DMXL1: variants seen among roughly 807,000 people sequenced by gnomAD.
The protein encoded by DMXL1 is dmX-like protein 1.
A neutral mutation model predicts 319.2 loss-of-function variants in DMXL1; 99 were observed. The observed-to-expected ratio is 0.31, with a 90% CI of 0.26 to 0.37. The LOEUF (loss-of-function observed/expected upper bound fraction) is 0.37, where lower values mean the gene tolerates loss of function less well. Among genes scored for constraint, DMXL1 ranks in the 10% least tolerant of loss-of-function variants. The probability of loss-of-function intolerance (pLI) is 1.00; values close to 1 mark genes in which losing one functional copy is unlikely to be tolerated. For missense variants in DMXL1, 3,745 were observed against 3,595.6 expected, an observed-to-expected ratio of 1.04 and a Z score of -1.06; for synonymous variants, 1,385 against 1,235.2, an observed-to-expected ratio of 1.12 and a Z score of -2.54.
chr5:119,151,268 A>G (rs143317380), intron 18 of DMXL1, among the ~76,000 whole-genome samples: 2 of 152,284 alleles, frequency 1.3e-5, no homozygotes, highest in Admixed American at 6.5e-5. Flanking sequence ...ACAGTTTGCC[A>G]TAAAATCTCA....
At chr5:119,189,632 A>G (rs1221348475) in intron 28 of DMXL1, 76 bp from the exon 29 acceptor site, 24 of 1,353,724 alleles carry the variant, frequency 1.8e-5, no homozygotes, top group South Asian at 8.9e-5. Flanking sequence ...AGTTAACCTT[A>G]GCTCTTATGT....
chr5:119,144,691 A>G, intron 15 of DMXL1, 53 bp downstream of exon 15: 1 of 1,128,444 alleles, frequency 8.9e-7, no homozygotes, highest in Middle Eastern at 2.2e-4. Flanking sequence ...TATGTTAGGC[A>G]GTTAATAAAG....
intron 26 of DMXL1, among the ~76,000 whole-genome samples, chr5:119,175,594 A>G (rs1037366074): frequency 6.6e-6 from 1 of 152,098 alleles, no homozygotes; most frequent in Non-Finnish European, 1.5e-5. Context: ...GGCACTGAGA[A>G]TTTTAACGCA....
At chr5:119,114,658 A>C (rs1033207062) in intron 6 of DMXL1, 117 bp downstream of exon 6, 2 of 771,204 alleles carry the variant, frequency 2.6e-6, no homozygotes, top group Admixed American at 3.3e-5. Flanking sequence ...AGTTTCCATT[A>C]AAAATTGTTT....
chr5:119,077,264 G>A (rs1751091353), intron 1 of DMXL1, among the ~76,000 whole-genome samples: 1 of 151,346 alleles, frequency 6.6e-6, no homozygotes, highest in South Asian at 2.1e-4. Flanking sequence ...GCCCCACTGT[G>A]CCCAGTGATT....
rs147706534 is a variant in DMXL1, at chr5:119,212,499, T to C, written c.7927-4402T>C. 5.5e-3 allele frequency among the ~76,000 whole-genome samples: 843 copies of C among 152,350 alleles called. 8 individuals carry two copies. Among genetic ancestry groups the C allele is most frequent in the African/African-American group, 0.019 (800 of 41,590 alleles). Reference sequence around the variant, plus strand: ...TGTCTGTCTTGGTTATTGTGAATAATGGTGCTATGAACATTGATATACAAA... The same window carrying C: ...TGTCTGTCTTGGTTATTGTGAATAACGGTGCTATGAACATTGATATACAAA... On this transcript the variant is annotated intron_variant, in intron 34 of 43. Coordinates refer to ENST00000539542, the MANE Select transcript of DMXL1 (RefSeq NM_001290321.3).
At chr5:119,102,241 T>A (rs1302057914) in intron 3 of DMXL1, 1 of 311,522 alleles carries the variant, frequency 3.2e-6, no homozygotes, top group Non-Finnish European at 5.9e-6. Context: ...CTGACATTTT[T>A]AATTTTATAA....
chr5:119,245,521 A>G (rs1397200907), intron 43 of DMXL1, among the ~76,000 whole-genome samples: 1 of 150,702 alleles, frequency 6.6e-6, no homozygotes, highest in African/African-American at 2.4e-5. Context: ...AGTTTAGAAT[A>G]TGCCATAGTT....
At position 119,198,551 on chromosome 5, in the gene DMXL1, C is replaced by G. The variant is rs925197951; in HGVS notation, c.7745+595C>G. Among the ~76,000 whole-genome samples the G allele has an allele frequency of 2.6e-5, 4 of 152,146 alleles. No individual in the cohort carries two copies. In the East Asian group the frequency reaches 7.7e-4, roughly 29 times the overall value. On this transcript the variant is annotated intron_variant, in intron 32 of 43. Transcript: ENST00000539542. ...AGTGTTAAGAGGAAAGTTTATAGCA[C>G]TAAACAACAAGCAGTCAACAGATTC...
intron 6 of DMXL1, 63 bp downstream of exon 6, chr5:119,114,604 C>T: frequency 1.0e-6 from 1 of 1,003,590 alleles, no homozygotes; most frequent in Non-Finnish European, 1.5e-6. Context: ...ACTTTAAAAA[C>T]ATCAACTGGC....
At chr5:119,131,042 C>T (rs1299836725) in intron 10 of DMXL1, among the ~76,000 whole-genome samples, 2 of 150,290 alleles carry the variant, frequency 1.3e-5, no homozygotes, top group Admixed American at 6.6e-5. Flanking sequence ...GGACAATGGA[C>T]ATCTTGTTTT....
Position 119,098,952 on chromosome 5 carries a change from C to G in DMXL1, c.213+848C>G, listed in dbSNP as rs116732671. Among the ~76,000 whole-genome samples the G allele has an allele frequency of 1.1e-3, 168 of 152,240 alleles. 1 individual carries two copies. Among genetic ancestry groups the G allele is most frequent in the African/African-American group, 3.9e-3 (162 of 41,546 alleles). On this transcript the variant is annotated intron_variant, in intron 2 of 43. Coordinates refer to ENST00000539542, the MANE Select transcript of DMXL1 (RefSeq NM_001290321.3). ...CTAATCTTCATTTGAGGTAAACTTT[C>G]TAGGATTAAAAGTTGCCATCTGGGA...
chr5:119,220,668 A>C, intron 36 of DMXL1, 75 bp downstream of exon 36: 1 of 1,528,394 alleles, frequency 6.5e-7, no homozygotes, highest in Non-Finnish European at 8.9e-7. Context: ...AAACTTTCAA[A>C]AGATTCTTTA....
At chr5:119,106,823 T>TAGTG (rs1375058791) in intron 4 of DMXL1, among the ~76,000 whole-genome samples, 1 of 152,162 alleles carries the variant, frequency 6.6e-6, no homozygotes, top group Non-Finnish European at 1.5e-5. Context: ...AATTAATGAA[T>TAGTG]AGTGAAAGGT....
In DMXL1 at chr5:119,175,480, T is replaced by C. The variant is rs1400214174; in HGVS notation, c.6758+143T>C. ...TGGTTGAGGTTTTGAGTACTTTTTG[T>C]TCATATTTGAAATTTTTATGGCAGA... is the stretch of plus-strand genomic sequence containing the variant. On this transcript the variant is annotated intron_variant, in intron 26 of 43. Transcript: ENST00000539542. 6 of 581,846 alleles carry C rather than the reference T, an allele frequency of 1.0e-5. No individual in the cohort carries two copies. The East Asian group carries it at 2.0e-4, about 19-fold the overall frequency. 36.0% of individuals were successfully genotyped at this position (581,846 alleles called of 1,614,324 possible). A position where few individuals can be genotyped will look rare whatever the true frequency, so the allele number is the denominator to read the frequency against.
intron 19 of DMXL1, among the ~76,000 whole-genome samples, chr5:119,158,480 T>C (rs1771583005): frequency 1.3e-5 from 2 of 152,226 alleles, no homozygotes. Flanking sequence ...TTCTTTCTCT[T>C]GTCTAAATGC....
At chr5:119,180,951 T>C (rs1776672312) in intron 28 of DMXL1, among the ~76,000 whole-genome samples, 1 of 152,090 alleles carries the variant, frequency 6.6e-6, no homozygotes, top group African/African-American at 2.4e-5. Context: ...AAAAAGAAAA[T>C]GAAAAATACA....
intron 4 of DMXL1, among the ~76,000 whole-genome samples, chr5:119,108,894 C>T (rs1758943349): frequency 6.6e-6 from 1 of 151,988 alleles, no homozygotes; most frequent in Admixed American, 6.6e-5. Flanking sequence ...CTCTGCCTCC[C>T]GGGTTCAAGT....
At chr5:119,116,374 A>G (rs369360577) in intron 7 of DMXL1, 38 bp downstream of exon 7, 2 of 1,579,338 alleles carry the variant, frequency 1.3e-6, no homozygotes, top group Admixed American at 1.8e-5. Flanking sequence ...ATATTAAGGG[A>G]GCATCATCTT....
Sources: gnomAD v4.1 joint callset for allele counts (sites outside exome capture counted in the v4.1 genomes callset) on GRCh38, gnomAD v4.1.1 for gene constraint, MANE v1.5 for transcripts, NCBI Gene and HGNC (gene_info 2026-07-23, HGNC 2026-07-21) for gene names.